IGF1R: variants seen among roughly 807,000 people sequenced by gnomAD.
The protein encoded by IGF1R is insulin-like growth factor 1 receptor.
In IGF1R, 44 loss-of-function variants were observed where a neutral mutation model predicts 144.6. That is an observed-to-expected ratio of 0.30 (90% CI 0.24 to 0.39). IGF1R has a LOEUF of 0.39. Among genes scored for constraint, IGF1R ranks in the 10% least tolerant of loss-of-function variants. The pLI is 1.00. For synonymous variants in IGF1R, 795 were observed against 722.8 expected (o/e 1.10, Z -1.60); for missense variants, 1,355 against 1,833.7 (o/e 0.74, Z 4.77).
At chr15:98,901,607 C>G (rs140558297) in intron 5 of IGF1R, among the ~76,000 whole-genome samples, 2 of 152,044 alleles carry the variant, frequency 1.3e-5, no homozygotes, top group Non-Finnish European at 2.9e-5. Flanking sequence ...AGAGTCAGAG[C>G]GAGAAAGAGA....
chr15:98,737,409 C>G (rs2054636361), intron 2 of IGF1R, among the ~76,000 whole-genome samples: 1 of 152,084 alleles, frequency 6.6e-6, no homozygotes, highest in Non-Finnish European at 1.5e-5. Flanking sequence ...TTTGTTCTGC[C>G]AAGAACATGA....
At chr15:98,658,663 C>A (rs1324963057) in intron 1 of IGF1R, among the ~76,000 whole-genome samples, 1 of 152,210 alleles carries the variant, frequency 6.6e-6, no homozygotes, top group African/African-American at 2.4e-5. Context: ...GAGATGCCAT[C>A]TTTACATTTC....
At chr15:98,910,464 C>A (rs1175393002) in intron 6 of IGF1R, among the ~76,000 whole-genome samples, 1 of 152,230 alleles carries the variant, frequency 6.6e-6, no homozygotes, top group Non-Finnish European at 1.5e-5. Flanking sequence ...AGCTCTTTTA[C>A]TGTCTTCAGT....
intron 12 of IGF1R, 79 bp downstream of exon 12, chr15:98,924,091 C>T (rs1214615819): frequency 8.1e-6 from 11 of 1,358,960 alleles, no homozygotes; most frequent in Non-Finnish European, 1.2e-5. Flanking sequence ...CACAGGTTAC[C>T]TCCTGGTTAG....
intron 1 of IGF1R, among the ~76,000 whole-genome samples, chr15:98,692,039 T>C (rs2053489456): frequency 6.6e-6 from 1 of 152,008 alleles, no homozygotes; most frequent in Non-Finnish European, 1.5e-5. Flanking sequence ...AAGTTAAAAA[T>C]ATTTCTTTCT....
chr15:98,962,507 G>A lies in IGF1R; in HGVS notation c.*5065G>A, dbSNP rs925052655. 5 of 233,612 alleles carry A rather than the reference G, an allele frequency of 2.1e-5. No individual in the cohort carries two copies. The highest frequency in any genetic ancestry group is 4.2e-5 in the Non-Finnish European group (5 of 118,062). 14.5% of individuals were successfully genotyped at this position (233,612 alleles called of 1,614,324 possible). The stretch of plus-strand genomic sequence containing the variant: ...AGGATGTTATTTAGACTGAACCTCT[G>A]TTGCCAGAGATGCTGAAGATACAGA... On this transcript the variant is annotated 3_prime_UTR_variant, in exon 21 of 21. Transcript: ENST00000650285.
chr15:98,936,262 T>G (rs1461921821), intron 17 of IGF1R, among the ~76,000 whole-genome samples: 1 of 152,208 alleles, frequency 6.6e-6, no homozygotes, highest in Non-Finnish European at 1.5e-5. Context: ...AAAATTTCAC[T>G]TTGGGTTATG....
chr15:98,940,216 A>G (rs569420383), intron 18 of IGF1R, among the ~76,000 whole-genome samples: 48 of 152,270 alleles, frequency 3.2e-4, no homozygotes, highest in Non-Finnish European at 6.0e-4. Flanking sequence ...CCAAATATTT[A>G]TCCTGAGAAA....
chr15:98,701,485 C>T (rs569147221), intron 1 of IGF1R, among the ~76,000 whole-genome samples: 52 of 151,868 alleles, frequency 3.4e-4, no homozygotes, highest in South Asian at 1.0e-3. Context: ...TACAGGTGCC[C>T]GCCACCACAC....
intron 2 of IGF1R, among the ~76,000 whole-genome samples, chr15:98,859,835 G>A (rs945812733): frequency 1.3e-5 from 2 of 152,218 alleles, no homozygotes; most frequent in African/African-American, 4.8e-5. Flanking sequence ...TTGTGGTTCT[G>A]TTGGTCTTCT....
chr15:98,791,638 C>G (rs2056129419), intron 2 of IGF1R, among the ~76,000 whole-genome samples: 1 of 152,184 alleles, frequency 6.6e-6, no homozygotes, highest in African/African-American at 2.4e-5. Context: ...TGTATATTTT[C>G]TGATTCCGTT....
intron 1 of IGF1R, among the ~76,000 whole-genome samples, chr15:98,698,810 C>T (rs2053658023): frequency 6.6e-6 from 1 of 152,190 alleles, no homozygotes; most frequent in Non-Finnish European, 1.5e-5. Context: ...ACACCACATC[C>T]ATGAAGAATC....
chr15:98,947,483 C>T (rs748956487), intron 19 of IGF1R, among the ~76,000 whole-genome samples: 2 of 152,014 alleles, frequency 1.3e-5, no homozygotes, highest in Admixed American at 6.6e-5. Context: ...ACCCTGCTCC[C>T]GCCCCTACTT....
intron 20 of IGF1R, among the ~76,000 whole-genome samples, chr15:98,952,330 A>ACT (rs2016811746): frequency 6.6e-6 from 1 of 151,200 alleles, no homozygotes; most frequent in African/African-American, 2.4e-5. Flanking sequence ...ACACACACAC[A>ACT]CTGCCCCTCA....
chr15:98,872,002 T>C (rs1464234765), intron 2 of IGF1R, among the ~76,000 whole-genome samples: 1 of 152,200 alleles, frequency 6.6e-6, no homozygotes, highest in Non-Finnish European at 1.5e-5. Context: ...TAGTGGAAGT[T>C]GAAAGCTTTC....
chr15:98,831,774 TG>T (rs1160383706), intron 2 of IGF1R, among the ~76,000 whole-genome samples: 1 of 152,186 alleles, frequency 6.6e-6, no homozygotes, highest in African/African-American at 2.4e-5. Flanking sequence ...TACTTGTAAA[TG>T]ATGCTCTTTA....
intron 2 of IGF1R, among the ~76,000 whole-genome samples, chr15:98,755,237 A>C (rs1461235022): frequency 1.3e-5 from 2 of 152,070 alleles, no homozygotes; most frequent in East Asian, 3.9e-4. Context: ...TATGGATATC[A>C]ATTTAGGTCA....
intron 2 of IGF1R, among the ~76,000 whole-genome samples, chr15:98,855,640 G>A (rs1208122806): frequency 6.6e-6 from 1 of 152,144 alleles, no homozygotes; most frequent in African/African-American, 2.4e-5. Context: ...CAAAAAATTA[G>A]CTCTTTAATG....
chr15:98,914,309 A>G (rs772989558), intron 8 of IGF1R, among the ~76,000 whole-genome samples: 1 of 152,236 alleles, frequency 6.6e-6, no homozygotes, highest in Non-Finnish European at 1.5e-5. Flanking sequence ...ACTGATAAAC[A>G]TTCTTTGATA....
Sources: gnomAD v4.1 joint callset for allele counts (sites outside exome capture counted in the v4.1 genomes callset) on GRCh38, gnomAD v4.1.1 for gene constraint, MANE v1.5 for transcripts, NCBI Gene and HGNC (gene_info 2026-07-23, HGNC 2026-07-21) for gene names.